FAM222A: variants seen among roughly 807,000 people sequenced by gnomAD.
FAM222A encodes family with sequence similarity 222 member A.
A neutral mutation model predicts 25.8 loss-of-function variants in FAM222A; 7 were observed. The observed-to-expected ratio is 0.27, with a 90% CI of 0.15 to 0.51. FAM222A has a LOEUF of 0.51. Ranked by LOEUF, FAM222A falls within the 20% of genes least tolerant of loss-of-function variation. The probability of loss-of-function intolerance (pLI) is 0.97; values close to 1 mark genes in which losing one functional copy is unlikely to be tolerated. For synonymous variants in FAM222A, 294 were observed against 298.8 expected (o/e 0.98, Z 0.17); for missense variants, 573 against 640.5 (o/e 0.89, Z 1.14).
At chr12:109,764,213 C>A (rs1394374140) in intron 2 of FAM222A, among the ~76,000 whole-genome samples, 2 of 20,840 alleles carry the variant, frequency 9.6e-5, no homozygotes, top group African/African-American at 3.4e-4. Flanking sequence ...CTGAGTAAGA[C>A]CCTGTCTTCA....
At chr12:109,727,924 G>A (rs532679378) in intron 1 of FAM222A, among the ~76,000 whole-genome samples, 4 of 152,306 alleles carry the variant, frequency 2.6e-5, no homozygotes, top group African/African-American at 7.2e-5. Flanking sequence ...CTCTGGGCTA[G>A]TGGCTGCAGG....
intron 2 of FAM222A, among the ~76,000 whole-genome samples, chr12:109,746,175 T>C (rs1306099893): frequency 6.6e-6 from 1 of 152,204 alleles, no homozygotes; most frequent in Non-Finnish European, 1.5e-5. Context: ...AGGTTTCTTA[T>C]AGATCTCTGA....
At chr12:109,733,503 A>G (rs1887999362) in intron 1 of FAM222A, among the ~76,000 whole-genome samples, 1 of 151,698 alleles carries the variant, frequency 6.6e-6, no homozygotes, top group African/African-American at 2.4e-5. Context: ...TCCCGGGTTC[A>G]CGCCATTCTC....
intron 1 of FAM222A, among the ~76,000 whole-genome samples, chr12:109,732,601 G>A (rs1887973839): frequency 6.6e-6 from 1 of 152,248 alleles, no homozygotes; most frequent in Non-Finnish European, 1.5e-5. Context: ...TCTCGGCTTT[G>A]TGCTGTCACA....
chr12:109,769,528 G>C lies in FAM222A; in HGVS notation c.*240G>C. The C allele has an allele frequency of 5.4e-6, 3 of 553,298 alleles. No homozygotes were observed. Among genetic ancestry groups the C allele is most frequent in the East Asian group, 5.9e-5 (2 of 33,848 alleles). 34.3% of individuals were successfully genotyped at this position (553,298 alleles called of 1,614,324 possible). On this transcript the variant is annotated 3_prime_UTR_variant, in exon 3 of 3. Transcript: ENST00000538780. The stretch of plus-strand genomic sequence containing the variant: ...AGGACACAGTGAGGGCCTGGGGGCA[G>C]CCACTGACGCCCATGCCTTCCTTTA...
chr12:109,755,281 A>ATTC lies in FAM222A; in HGVS notation c.82+11059_82+11061dup, dbSNP rs1565844603. ...TTTAGCTCTTCCATTTAGGTCTGTA[A>ATTC]TTCTTCTTTTTTTTTTTTTTTTTTT... On this transcript the variant is annotated intron_variant, in intron 2 of 2. Transcript: ENST00000538780. 2.0e-3 allele frequency among the ~76,000 whole-genome samples: 183 copies of ATTC among 92,762 alleles called. 2 individuals carry two copies. Among genetic ancestry groups the ATTC allele is most frequent in the African/African-American group, 6.4e-3 (150 of 23,464 alleles). 60.9% of individuals were successfully genotyped at this position (92,762 alleles called of 152,430 possible).
At chr12:109,759,996 A>G (rs1415329991) in intron 2 of FAM222A, among the ~76,000 whole-genome samples, 1 of 152,172 alleles carries the variant, frequency 6.6e-6, no homozygotes, top group Non-Finnish European at 1.5e-5. Context: ...TGCCTGGCTG[A>G]GGGACACCTT....
At chr12:109,767,415 G>A (rs535083808) in intron 2 of FAM222A, among the ~76,000 whole-genome samples, 3 of 152,264 alleles carry the variant, frequency 2.0e-5, no homozygotes, top group Non-Finnish European at 4.4e-5. Flanking sequence ...AGGATCACTT[G>A]AGCCTAGGAG....
At chr12:109,728,673 A>G (rs1887885435) in intron 1 of FAM222A, among the ~76,000 whole-genome samples, 1 of 152,110 alleles carries the variant, frequency 6.6e-6, no homozygotes, top group Non-Finnish European at 1.5e-5. Flanking sequence ...AGCCCCACCC[A>G]AGCCCTTTTC....
intron 2 of FAM222A, among the ~76,000 whole-genome samples, chr12:109,757,755 A>C (rs1244151298): frequency 8.6e-6 from 1 of 116,308 alleles, no homozygotes; most frequent in South Asian, 3.0e-4. Flanking sequence ...GCAGGGAGCC[A>C]GGGGTGGGGA....
At chr12:109,722,095 A>G (rs1443779956) in intron 1 of FAM222A, among the ~76,000 whole-genome samples, 1 of 152,158 alleles carries the variant, frequency 6.6e-6, no homozygotes, top group Non-Finnish European at 1.5e-5. Context: ...GGAGGCTTTA[A>G]AGGCTGGTGG....
At chr12:109,726,427 A>T (rs4766626) in intron 1 of FAM222A, among the ~76,000 whole-genome samples, 89,958 of 152,110 alleles carry the variant, frequency 0.59, 28,530 homozygotes, top group Non-Finnish European at 0.71. Context: ...TGTGAGGGCC[A>T]CAGTCCCACA....
rs528034646 is a variant in FAM222A at position 109,732,496 on chromosome 12, G to A, written c.-46-11605G>A. Among the ~76,000 whole-genome samples the A allele has an allele frequency of 3.6e-4, 55 of 152,360 alleles. 1 individual carries two copies. The highest frequency in any genetic ancestry group is 1.2e-3 in the African/African-American group (51 of 41,590). The stretch of plus-strand genomic sequence containing the variant: ...CCCATTGTCTGGCATGTGGGGGCGC[G>A]GAGCAGCCGTTGTTCTGCACACATC... On this transcript the variant is annotated intron_variant, in intron 1 of 2. Coordinates refer to ENST00000538780, the MANE Select transcript of FAM222A (RefSeq NM_032829.3).
At chr12:109,759,336 G>A (rs1888823966) in intron 2 of FAM222A, among the ~76,000 whole-genome samples, 1 of 152,100 alleles carries the variant, frequency 6.6e-6, no homozygotes, top group African/African-American at 2.4e-5. Context: ...TAGGTGCCTG[G>A]GGTCCCATAT....
intron 2 of FAM222A, among the ~76,000 whole-genome samples, chr12:109,763,617 T>G (rs1888959924): frequency 1.3e-5 from 2 of 152,192 alleles, no homozygotes; most frequent in Non-Finnish European, 2.9e-5. Flanking sequence ...AACAGTGGCT[T>G]CCCCCAGAGC....
At chr12:109,759,910 G>C (rs1172232003) in intron 2 of FAM222A, among the ~76,000 whole-genome samples, 1 of 152,204 alleles carries the variant, frequency 6.6e-6, no homozygotes, top group Non-Finnish European at 1.5e-5. Context: ...TGCCCTAGAA[G>C]GTCTCCAAAT....
Position 109,717,188 on chromosome 12 carries a change from C to G in FAM222A, c.-47+2291C>G, listed in dbSNP as rs1887661546. 2.0e-5 allele frequency among the ~76,000 whole-genome samples: 3 copies of G among 152,344 alleles called. No individual in the cohort carries two copies. In the South Asian group the frequency reaches 6.2e-4, roughly 32 times the overall value. On this transcript the variant is annotated intron_variant, in intron 1 of 2. Coordinates refer to ENST00000538780, the MANE Select transcript of FAM222A (RefSeq NM_032829.3). The stretch of plus-strand genomic sequence containing the variant: ...ACCAAAAGGCAGATTTGAATCCTCT[C>G]TTCCTATGACCTACAGGTCAGCGTT...
intron 2 of FAM222A, among the ~76,000 whole-genome samples, chr12:109,755,410 C>T (rs1372594698): frequency 7.0e-6 from 1 of 143,208 alleles, no homozygotes; most frequent in African/African-American, 2.6e-5. Flanking sequence ...CTCACCGCAA[C>T]CTCTGCCTCC....
chr12:109,750,489 A>G (rs1004813793), intron 2 of FAM222A, among the ~76,000 whole-genome samples: 2 of 152,198 alleles, frequency 1.3e-5, no homozygotes, highest in Non-Finnish European at 2.9e-5. Flanking sequence ...ATATCAGTCT[A>G]CTTATAATCT....
Sources: allele counts gnomAD v4.1 joint callset (sites outside exome capture counted in the v4.1 genomes callset), GRCh38; gene constraint gnomAD v4.1.1; transcripts MANE v1.5; gene names NCBI Gene and HGNC (gene_info 2026-07-23, HGNC 2026-07-21).